The following NDUFA8 variants were observed in gnomAD, a reference collection of about 807,000 sequenced individuals.
NDUFA8 encodes the protein NADH:ubiquinone oxidoreductase subunit A8, also known as NADH dehydrogenase [ubiquinone] 1 alpha subcomplex subunit 8.
In NDUFA8, 16 loss-of-function variants were observed where a neutral mutation model predicts 20.9. The ratio of observed to expected loss-of-function variants is 0.77; its 90% confidence interval spans 0.52 to 1.16. NDUFA8 has a LOEUF of 1.16. Among genes scored for constraint, NDUFA8 ranks in the 50% most tolerant of loss-of-function variants. NDUFA8 has a pLI of 0.00. For missense variants in NDUFA8, 202 were observed against 216.4 expected, an observed-to-expected ratio of 0.93 and a Z score of 0.42; for synonymous variants, 70 against 76.1, an observed-to-expected ratio of 0.92 and a Z score of 0.41.
At chr9:122,149,687 G>A (rs1224839628) in intron 2 of NDUFA8, among the ~76,000 whole-genome samples, 2 of 152,238 alleles carry the variant, frequency 1.3e-5, no homozygotes, top group Non-Finnish European at 2.9e-5. Context: ...GCTGGATGCT[G>A]TGGCTCATGC....
At chr9:122,142,460 T>G (rs1277920715), downstream of NDUFA8, among the ~76,000 whole-genome samples, 2 of 152,162 alleles carry the variant, frequency 1.3e-5, no homozygotes, top group African/African-American at 4.8e-5. Flanking sequence ...GCGGGTAGGA[T>G]CCAAACATCA....
chr9:122,136,697 C>T, the NDUFA8 span, among the ~76,000 whole-genome samples: 16 of 152,140 alleles, frequency 1.1e-4, no homozygotes, highest in South Asian at 2.9e-3. Context: ...GCTGGGATTA[C>T]AGGCGCCCAC....
At chr9:122,135,709 C>G in the NDUFA8 span, among the ~76,000 whole-genome samples, 17 of 152,216 alleles carry the variant, frequency 1.1e-4, no homozygotes, top group African/African-American at 4.1e-4. Flanking sequence ...CTCACCTCAG[C>G]CTCCCGAGTA....
the NDUFA8 span, among the ~76,000 whole-genome samples, chr9:122,135,849 G>A: frequency 2.6e-5 from 4 of 152,154 alleles, no homozygotes; most frequent in South Asian, 2.1e-4. Flanking sequence ...TTGGCCTTCC[G>A]AAGTGCTGGG....
chr9:122,155,353 A>G (rs569305398), intron 1 of NDUFA8, among the ~76,000 whole-genome samples: 78 of 152,378 alleles, frequency 5.1e-4, no homozygotes, highest in Non-Finnish European at 8.5e-4. Flanking sequence ...TGCTGGGATT[A>G]TAGGCGTGGG....
At chr9:122,145,146 T>A (rs1344181330) in intron 3 of NDUFA8, among the ~76,000 whole-genome samples, 2 of 152,208 alleles carry the variant, frequency 1.3e-5, no homozygotes, top group Non-Finnish European at 2.9e-5. Flanking sequence ...ATAAAGGGTA[T>A]TAAATGATAT....
At chr9:122,143,435 C>G, downstream of NDUFA8, among the ~76,000 whole-genome samples, 1 of 152,184 alleles carries the variant, frequency 6.6e-6, no homozygotes, top group East Asian at 1.9e-4. Context: ...ACACTTGTGG[C>G]TTTAACCTGC....
chr9:122,140,769 A>T (rs1828807553), downstream of NDUFA8, among the ~76,000 whole-genome samples: 1 of 152,210 alleles, frequency 6.6e-6, no homozygotes, highest in South Asian at 2.1e-4. Flanking sequence ...CTATATACTC[A>T]TAGCCATCCC....
intron 1 of NDUFA8, among the ~76,000 whole-genome samples, chr9:122,156,016 A>G (rs1443354118): frequency 6.6e-6 from 1 of 152,202 alleles, no homozygotes; most frequent in Non-Finnish European, 1.5e-5. Context: ...GCAACCCCAG[A>G]ACTAGAACAC....
downstream of NDUFA8, among the ~76,000 whole-genome samples, chr9:122,141,087 A>T (rs1308878734): frequency 6.6e-6 from 1 of 152,192 alleles, no homozygotes; most frequent in Non-Finnish European, 1.5e-5. Context: ...ACGGGGAAGG[A>T]CTGTTTCCTG....
chr9:122,151,345 C>T (rs4147657), intron 2 of NDUFA8, among the ~76,000 whole-genome samples: 115,500 of 152,088 alleles, frequency 0.76, 44,375 homozygotes, highest in African/African-American at 0.83. Flanking sequence ...CCTGAGCAAT[C>T]AGAGCTTTTT....
intron 3 of NDUFA8, among the ~76,000 whole-genome samples, chr9:122,145,961 C>G (rs1828897996): frequency 6.6e-6 from 1 of 151,738 alleles, no homozygotes; most frequent in Non-Finnish European, 1.5e-5. Flanking sequence ...CCAGCCCAGG[C>G]AACATGGTGA....
chr9:122,158,379 T>C (rs1829111185), intron 1 of NDUFA8, among the ~76,000 whole-genome samples: 1 of 152,074 alleles, frequency 6.6e-6, no homozygotes, highest in Non-Finnish European at 1.5e-5. Context: ...CCAAGTCCTA[T>C]CTCAGCCCAA....
At chr9:122,138,422 C>CT in the NDUFA8 span, among the ~76,000 whole-genome samples, 1 of 152,040 alleles carries the variant, frequency 6.6e-6, no homozygotes, top group East Asian at 1.9e-4. Flanking sequence ...TTCTGGGCTT[C>CT]TTTTTTTTCC....
At chr9:122,134,137 A>C in the NDUFA8 span, among the ~76,000 whole-genome samples, 1 of 152,256 alleles carries the variant, frequency 6.6e-6, no homozygotes, top group African/African-American at 2.4e-5. Context: ...CACCACACGT[A>C]GATAACTCAC....
chr9:122,141,144 C>A (rs914157636), downstream of NDUFA8, among the ~76,000 whole-genome samples: 4 of 152,146 alleles, frequency 2.6e-5, no homozygotes, highest in African/African-American at 9.7e-5. Flanking sequence ...TGATGAATAG[C>A]ATGCTGTAGA....
chr9:122,159,595 G>A (rs754904732), intron 1 of NDUFA8, 32 bp downstream of exon 1: 4 of 1,613,752 alleles, frequency 2.5e-6, no homozygotes, highest in Admixed American at 1.7e-5. Context: ...GCAGCCCCAT[G>A]TCTCCCTTGC....
At chr9:122,157,991 A>C (rs1829101383) in intron 1 of NDUFA8, among the ~76,000 whole-genome samples, 1 of 152,024 alleles carries the variant, frequency 6.6e-6, no homozygotes, top group African/African-American at 2.4e-5. Flanking sequence ...GTCTCTACTA[A>C]AAATACACAA....
chr9:122,146,589 C>G (rs1344638100), intron 3 of NDUFA8, among the ~76,000 whole-genome samples: 1 of 152,204 alleles, frequency 6.6e-6, no homozygotes, highest in Non-Finnish European at 1.5e-5. Flanking sequence ...TCCAACCATT[C>G]ACAGATGCTA....
Sources: gnomAD v4.1 joint callset for allele counts (sites outside exome capture counted in the v4.1 genomes callset) on GRCh38, gnomAD v4.1.1 for gene constraint, MANE v1.5 for transcripts, NCBI Gene and HGNC (gene_info 2026-07-23, HGNC 2026-07-21) for gene names.